EXOC4: variants seen among roughly 807,000 people sequenced by gnomAD.
EXOC4 encodes the protein exocyst complex component 4.
Under a neutral mutation model 107.2 loss-of-function variants are expected in EXOC4, and 71 were observed. That is an observed-to-expected ratio of 0.66 (90% CI 0.55 to 0.81). EXOC4 has a LOEUF of 0.81. EXOC4 is among the 30% of genes least tolerant of loss of function. The pLI is 0.00. For missense variants in EXOC4, 1,108 were observed against 1,189.6 expected, an observed-to-expected ratio of 0.93 and a Z score of 1.01; for synonymous variants, 456 against 441.2, an observed-to-expected ratio of 1.03 and a Z score of -0.42.
chr7:133,909,819 T>C (rs1206227943), intron 12 of EXOC4, among the ~76,000 whole-genome samples: 1 of 152,136 alleles, frequency 6.6e-6, no homozygotes, highest in Non-Finnish European at 1.5e-5. Context: ...AGTCATCTGA[T>C]CTGAGATCTA....
chr7:133,289,503 A>C (rs915677893), intron 3 of EXOC4, among the ~76,000 whole-genome samples: 1 of 152,202 alleles, frequency 6.6e-6, no homozygotes, highest in African/African-American at 2.4e-5. Context: ...TTTTTGAAGG[A>C]ATTTTTACAT....
chr7:133,606,891 C>T (rs987488123), intron 9 of EXOC4, among the ~76,000 whole-genome samples: 6 of 152,142 alleles, frequency 3.9e-5, no homozygotes, highest in Non-Finnish European at 8.8e-5. Context: ...TCTTACAAAT[C>T]GCTTTCTTTC....
Position 133,467,341 on chromosome 7 carries a change from C to T in EXOC4, c.1183-7987C>T, listed in dbSNP as rs760352587. 2.3e-3 allele frequency among the ~76,000 whole-genome samples: 349 copies of T among 151,504 alleles called. 4 individuals are homozygous for T. Among genetic ancestry groups the T allele is most frequent in the Admixed American group, 3.8e-3 (58 of 15,198 alleles). Reference sequence around the variant, plus strand: ...TATTGCCACTGCTTTAGTTTAAAACCTTTTAATTTTTTAAATTGAGCTGTC... The same window carrying T: ...TATTGCCACTGCTTTAGTTTAAAACTTTTTAATTTTTTAAATTGAGCTGTC... On this transcript the variant is annotated intron_variant, in intron 7 of 17. Coordinates refer to ENST00000253861, the MANE Select transcript of EXOC4 (RefSeq NM_021807.4).
In EXOC4 at chr7:133,450,556, C is replaced by A. The variant is rs112665156; in HGVS notation, c.1183-24772C>A. Among the ~76,000 whole-genome samples the A allele has an allele frequency of 2.0e-3, 310 of 152,230 alleles. 2 individuals are homozygous for A. Among genetic ancestry groups the A allele is most frequent in the African/African-American group, 7.2e-3 (298 of 41,550 alleles). On this transcript the variant is annotated intron_variant, in intron 7 of 17. Coordinates refer to ENST00000253861, the MANE Select transcript of EXOC4 (RefSeq NM_021807.4). The stretch of plus-strand genomic sequence containing the variant: ...GAAATCTACCTAGACCTTGTGTCTG[C>A]TGACTGTTGGAATATGAAGACTGCC...
chr7:133,941,802 T>C (rs1585265358), intron 14 of EXOC4, among the ~76,000 whole-genome samples: 1 of 145,314 alleles, frequency 6.9e-6, no homozygotes, highest in South Asian at 2.2e-4. Context: ...TATCGTCAGG[T>C]CCCAGGCATG....
rs1232552998 is a variant in EXOC4 at position 133,837,675 on chromosome 7, G to C, written c.1734+20131G>C. Reference sequence around the variant, plus strand: ...CAGATTATTGCCTGACATCTTCTTAGCTCGTGAAGCTGTTTTTCCAGTGAG... The same window carrying C: ...CAGATTATTGCCTGACATCTTCTTACCTCGTGAAGCTGTTTTTCCAGTGAG... On this transcript the variant is annotated intron_variant, in intron 11 of 17. Coordinates refer to ENST00000253861, the MANE Select transcript of EXOC4 (RefSeq NM_021807.4). 2.0e-5 allele frequency among the ~76,000 whole-genome samples: 3 copies of C among 152,272 alleles called. No homozygotes were observed. In the South Asian group the frequency reaches 6.2e-4, roughly 32 times the overall value.
intron 11 of EXOC4, among the ~76,000 whole-genome samples, chr7:133,860,481 T>C (rs1798509870): frequency 6.6e-6 from 1 of 152,216 alleles, no homozygotes; most frequent in East Asian, 1.9e-4. Flanking sequence ...ACTCCAGAGA[T>C]GGCAGTGTGT....
At chr7:133,269,837 A>C (rs1241683044) in intron 1 of EXOC4, among the ~76,000 whole-genome samples, 2 of 152,200 alleles carry the variant, frequency 1.3e-5, no homozygotes, top group Non-Finnish European at 2.9e-5. Flanking sequence ...TAGTGAAGCC[A>C]TTAAGAGCCA....
At chr7:133,468,118 A>G (rs184824896) in intron 7 of EXOC4, among the ~76,000 whole-genome samples, 1 of 152,330 alleles carries the variant, frequency 6.6e-6, no homozygotes, top group East Asian at 1.9e-4. Context: ...TTCTCTTGAG[A>G]AAAAGAAAAA....
At chr7:134,041,737 T>A (rs1045022386) in intron 17 of EXOC4, among the ~76,000 whole-genome samples, 2 of 152,198 alleles carry the variant, frequency 1.3e-5, no homozygotes, top group African/African-American at 4.8e-5. Flanking sequence ...GAAAATGAGA[T>A]ATTCTTCCTT....
the EXOC4 span, among the ~76,000 whole-genome samples, chr7:134,087,592 G>T: frequency 6.6e-6 from 1 of 152,164 alleles, no homozygotes; most frequent in Non-Finnish European, 1.5e-5. Flanking sequence ...CTGATATGGG[G>T]TTGCTAGATG....
chr7:134,067,303 G>C (rs942888138), downstream of EXOC4, among the ~76,000 whole-genome samples: 3 of 152,126 alleles, frequency 2.0e-5, no homozygotes, highest in Non-Finnish European at 4.4e-5. Flanking sequence ...CTGTGCCATG[G>C]AGTAGGCCCA....
intron 7 of EXOC4, among the ~76,000 whole-genome samples, chr7:133,461,204 G>T (rs530741748): frequency 1.3e-5 from 2 of 152,064 alleles, no homozygotes; most frequent in African/African-American, 2.4e-5. Flanking sequence ...CGATGAATTC[G>T]GTTGAGATGT....
At chr7:133,263,802 G>A (rs904766574) in intron 1 of EXOC4, among the ~76,000 whole-genome samples, 2 of 151,854 alleles carry the variant, frequency 1.3e-5, no homozygotes, top group African/African-American at 4.8e-5. Context: ...TTGATTGATT[G>A]ATGTTTTAAT....
intron 10 of EXOC4, among the ~76,000 whole-genome samples, chr7:133,787,966 T>TATATATATATAC (rs1796618730): frequency 6.1e-5 from 1 of 16,484 alleles, no homozygotes; most frequent in Non-Finnish European, 1.3e-4. Flanking sequence ...TATATATTTA[T>TATATATATATAC]ATATATATAT....
chr7:134,024,695 A>G (rs1795099647), intron 17 of EXOC4, among the ~76,000 whole-genome samples: 3 of 152,150 alleles, frequency 2.0e-5, no homozygotes, highest in Admixed American at 6.5e-5. Context: ...TAAACACACA[A>G]AAGCCCAAGC....
intron 10 of EXOC4, chr7:133,727,279 A>C (rs920879395): frequency 1.3e-5 from 2 of 154,368 alleles, no homozygotes; most frequent in African/African-American, 4.8e-5. Context: ...GCCACTTATA[A>C]GAGAAGGTGC....
chr7:133,475,601 A>G, intron 8 of EXOC4, 128 bp downstream of exon 8: 1 of 800,474 alleles, frequency 1.2e-6, no homozygotes, highest in Non-Finnish European at 1.9e-6. Flanking sequence ...GGAAGTGAAT[A>G]TATGTTGAGT....
chr7:133,691,346 C>T lies in EXOC4; in HGVS notation c.1514+61205C>T, dbSNP rs1029354237. 2.0e-5 allele frequency among the ~76,000 whole-genome samples: 3 copies of T among 152,046 alleles called. No homozygotes were observed. In the East Asian group the frequency reaches 5.8e-4, roughly 29 times the overall value. On this transcript the variant is annotated intron_variant, in intron 10 of 17. Transcript: ENST00000253861. ...ATATACCTCATTTGATTCCTTGGGT[C>T]TATCATATAAAATAAACCATTTGCT...
Sources: allele counts gnomAD v4.1 joint callset (sites outside exome capture counted in the v4.1 genomes callset), GRCh38; gene constraint gnomAD v4.1.1; transcripts MANE v1.5; gene names NCBI Gene and HGNC (gene_info 2026-07-23, HGNC 2026-07-21).